The following MYO18B variants were observed in gnomAD, a reference collection of about 807,000 sequenced individuals.
MYO18B encodes myosin XVIIIB, also known as unconventional myosin-XVIIIb.
In MYO18B, 204 loss-of-function variants were observed where a neutral mutation model predicts 273.0. That is an observed-to-expected ratio of 0.75 (90% CI 0.67 to 0.84). The LOEUF (loss-of-function observed/expected upper bound fraction) is 0.84. Ranked by LOEUF, MYO18B falls within the 40% of genes least tolerant of loss-of-function variation. MYO18B has a pLI of 0.00. For synonymous variants in MYO18B, 1,330 were observed against 1,305.7 expected (o/e 1.02, Z -0.40); for missense variants, 3,212 against 3,287.6 (o/e 0.98, Z 0.56).
chr22:25,860,887 A>ATT (rs695541), intron 21 of MYO18B, among the ~76,000 whole-genome samples: 6,789 of 142,786 alleles, frequency 0.048, 476 homozygotes, highest in African/African-American at 0.15. Flanking sequence ...TATCATTGCT[A>ATT]TTTTTTTTTT....
chr22:25,758,760 ATT>A (rs780789313), intron 1 of MYO18B, among the ~76,000 whole-genome samples: 5 of 143,714 alleles, frequency 3.5e-5, no homozygotes, highest in East Asian at 4.1e-4. Flanking sequence ...GGTGATGAGA[ATT>A]TTTTTTTTTT....
At chr22:25,826,366 C>G in intron 13 of MYO18B, 43 bp from the exon 14 acceptor site, 1 of 1,529,426 alleles carries the variant, frequency 6.5e-7, no homozygotes, top group East Asian at 2.3e-5. Flanking sequence ...TGGCCCCAGG[C>G]AAGATCCCTA....
At chr22:25,979,485 G>T (rs554773423) in intron 39 of MYO18B, among the ~76,000 whole-genome samples, 4 of 152,188 alleles carry the variant, frequency 2.6e-5, no homozygotes, top group Non-Finnish European at 5.9e-5. Context: ...GGATTGGGGC[G>T]TTTGGAGTTT....
At chr22:25,866,485 C>T (rs1046578454) in intron 21 of MYO18B, among the ~76,000 whole-genome samples, 1 of 152,116 alleles carries the variant, frequency 6.6e-6, no homozygotes, top group Non-Finnish European at 1.5e-5. Flanking sequence ...TATGGAATCT[C>T]TCTGGTTTGG....
chr22:25,970,045 T>C (rs1480094987), intron 39 of MYO18B, among the ~76,000 whole-genome samples: 2 of 151,988 alleles, frequency 1.3e-5, no homozygotes, highest in African/African-American at 4.8e-5. Context: ...ATCACCTCCA[T>C]TGTTACCACA....
At chr22:26,035,108 C>A (rs1277542537), downstream of MYO18B, among the ~76,000 whole-genome samples, 1 of 152,196 alleles carries the variant, frequency 6.6e-6, no homozygotes, top group African/African-American at 2.4e-5. Context: ...TTGCCAAACA[C>A]CAGGGGTTTG....
intron 22 of MYO18B, among the ~76,000 whole-genome samples, chr22:25,872,333 T>G (rs1203807868): frequency 6.6e-6 from 1 of 152,232 alleles, no homozygotes; most frequent in Admixed American, 6.5e-5. Flanking sequence ...CTTCAAGTGC[T>G]TGTATCATAA....
At chr22:25,765,366 G>A (rs2086467361) in intron 3 of MYO18B, among the ~76,000 whole-genome samples, 1 of 152,178 alleles carries the variant, frequency 6.6e-6, no homozygotes, top group Admixed American at 6.5e-5. Flanking sequence ...TGTTTCATTT[G>A]ATCCTCATCT....
At chr22:25,954,299 G>A (rs180842400) in intron 38 of MYO18B, among the ~76,000 whole-genome samples, 4 of 152,186 alleles carry the variant, frequency 2.6e-5, no homozygotes, top group African/African-American at 9.6e-5. Flanking sequence ...TAAAATAGTA[G>A]GGCTGAGGCT....
At chr22:26,003,343 C>G (rs763612881) in intron 41 of MYO18B, 34 bp downstream of exon 41, 2 of 1,582,418 alleles carry the variant, frequency 1.3e-6, no homozygotes, top group Non-Finnish European at 1.7e-6. Context: ...GAGCAGCTCA[C>G]AAGGGTGAGC....
intron 27 of MYO18B, among the ~76,000 whole-genome samples, chr22:25,893,603 A>G (rs2091720065): frequency 6.6e-6 from 1 of 152,140 alleles, no homozygotes; most frequent in African/African-American, 2.4e-5. Context: ...CCTGGTGGAG[A>G]GATAGTGTGC....
intron 1 of MYO18B, chr22:25,756,486 G>C (rs375391437): frequency 6.6e-6 from 1 of 152,240 alleles, no homozygotes; most frequent in East Asian, 1.9e-4. Flanking sequence ...CAGAATAAAA[G>C]ACCTGATTTG....
At chr22:25,987,671 G>A (rs747668191) in intron 39 of MYO18B, among the ~76,000 whole-genome samples, 4 of 152,064 alleles carry the variant, frequency 2.6e-5, no homozygotes, top group Non-Finnish European at 5.9e-5. Context: ...CATAAGCTCT[G>A]TGGAAGTGAG....
At chr22:26,018,530 G>T (rs1935558890) in intron 42 of MYO18B, among the ~76,000 whole-genome samples, 1 of 152,170 alleles carries the variant, frequency 6.6e-6, no homozygotes, top group Non-Finnish European at 1.5e-5. Flanking sequence ...CAAGGGTTTT[G>T]CAGATTGAAT....
chr22:25,907,755 C>T (rs1165912615), intron 31 of MYO18B, among the ~76,000 whole-genome samples: 2 of 152,138 alleles, frequency 1.3e-5, no homozygotes, highest in African/African-American at 4.8e-5. Context: ...GAGAAGGGGG[C>T]CGGGCCCGGT....
chr22:25,989,747 G>A (rs80213128), intron 39 of MYO18B, among the ~76,000 whole-genome samples: 1 of 137,028 alleles, frequency 7.3e-6, no homozygotes, highest in African/African-American at 2.8e-5. Flanking sequence ...GCAGTAAGCC[G>A]AGATAGTGAG....
chr22:25,950,172 G>A (rs2092773918), intron 36 of MYO18B, among the ~76,000 whole-genome samples, 195 bp from the exon 37 acceptor site: 1 of 152,162 alleles, frequency 6.6e-6, no homozygotes, highest in South Asian at 2.1e-4. Context: ...TAATTGGAGT[G>A]ACTCAGCGAA....
At chr22:25,917,005 C>G (rs1419105689) in intron 33 of MYO18B, among the ~76,000 whole-genome samples, 1 of 152,142 alleles carries the variant, frequency 6.6e-6, no homozygotes, top group African/African-American at 2.4e-5. Context: ...GCACTCCAGC[C>G]TGGGTGACAG....
intron 39 of MYO18B, 132 bp from the exon 40 acceptor site, chr22:25,992,231 C>A: frequency 1.8e-6 from 2 of 1,087,252 alleles, no homozygotes; most frequent in Non-Finnish European, 2.7e-6. Context: ...GAGCCTCTCA[C>A]GGAGAACTTA....
Sources: allele counts gnomAD v4.1 joint callset (sites outside exome capture counted in the v4.1 genomes callset), GRCh38; gene constraint gnomAD v4.1.1; transcripts MANE v1.5; gene names NCBI Gene and HGNC (gene_info 2026-07-23, HGNC 2026-07-21).